The following KHDRBS2 variants were observed in gnomAD, a reference collection of about 807,000 sequenced individuals.
KHDRBS2 encodes KH RNA binding domain containing, signal transduction associated 2.
A neutral mutation model predicts 44.3 loss-of-function variants in KHDRBS2; 26 were observed. That is an observed-to-expected ratio of 0.59 (90% CI 0.43 to 0.81). KHDRBS2 has a LOEUF of 0.81. Among genes scored for constraint, KHDRBS2 ranks in the 40% least tolerant of loss-of-function variants. The pLI is 0.00. For synonymous variants in KHDRBS2, 194 were observed against 151.1 expected, an observed-to-expected ratio of 1.28 and a Z score of -2.08; for missense variants, 476 against 433.1, an observed-to-expected ratio of 1.10 and a Z score of -0.88.
the KHDRBS2 span, among the ~76,000 whole-genome samples, chr6:61,598,393 G>A: frequency 1.4e-4 from 20 of 144,818 alleles, no homozygotes; most frequent in Middle Eastern, 3.7e-3. Flanking sequence ...CTCAAAGAAA[G>A]GAAAGTTTTA....
At chr6:62,085,135 G>A (rs994279966) in intron 2 of KHDRBS2, among the ~76,000 whole-genome samples, 1 of 152,028 alleles carries the variant, frequency 6.6e-6, no homozygotes, top group Middle Eastern at 3.2e-3. Flanking sequence ...CTGATATTAA[G>A]AACTGATTAT....
At chr6:61,938,677 A>G (rs563892646) in intron 4 of KHDRBS2, among the ~76,000 whole-genome samples, 5 of 152,268 alleles carry the variant, frequency 3.3e-5, no homozygotes, top group Admixed American at 3.3e-4. Context: ...TGCTAAGGGG[A>G]GTGGAAAACA....
intron 4 of KHDRBS2, among the ~76,000 whole-genome samples, chr6:61,957,455 A>G (rs530731845): frequency 6.6e-6 from 1 of 152,144 alleles, no homozygotes; most frequent in South Asian, 2.1e-4. Flanking sequence ...GCAAGGAACA[A>G]CCCTGAGAAA....
At chr6:61,774,496 C>A (rs1049626417) in intron 6 of KHDRBS2, among the ~76,000 whole-genome samples, 29 of 152,148 alleles carry the variant, frequency 1.9e-4, no homozygotes, top group Admixed American at 8.5e-4. Context: ...TTCTTATATA[C>A]CAATAACAGA....
chr6:61,581,372 A>T, the KHDRBS2 span, among the ~76,000 whole-genome samples: 1 of 151,984 alleles, frequency 6.6e-6, no homozygotes, highest in Non-Finnish European at 1.5e-5. Flanking sequence ...TGTGTTTCTG[A>T]CCACAGAAAT....
intron 1 of KHDRBS2, among the ~76,000 whole-genome samples, chr6:62,259,561 G>A (rs1837988314): frequency 6.6e-6 from 1 of 151,572 alleles, no homozygotes; most frequent in East Asian, 1.9e-4. Flanking sequence ...GTTTTATTTT[G>A]TTAATATAGT....
the KHDRBS2 span, among the ~76,000 whole-genome samples, chr6:61,571,902 C>A: frequency 1.3e-5 from 2 of 151,898 alleles, no homozygotes; most frequent in African/African-American, 4.8e-5. Context: ...AAGGTCACAT[C>A]TCAAGGAATT....
rs577472295 is a variant in KHDRBS2 at position 61,876,812 on chromosome 6, G to A, written c.810+17823C>T. On this transcript the variant is annotated intron_variant, in intron 6 of 8. Coordinates refer to ENST00000281156, the MANE Select transcript of KHDRBS2 (RefSeq NM_152688.4). ...CACCTCTGTGTCATGCAGCCCCTAT[G>A]AGAAAAGGAAATAAGTGGCCTTGGG... Among the ~76,000 whole-genome samples, 4 of 152,170 alleles carry A rather than the reference G, an allele frequency of 2.6e-5. No individual in the cohort carries two copies. In the South Asian group the frequency reaches 8.3e-4, roughly 32 times the overall value.
At chr6:61,778,556 T>G (rs1156831745) in intron 6 of KHDRBS2, among the ~76,000 whole-genome samples, 1 of 152,074 alleles carries the variant, frequency 6.6e-6, no homozygotes, top group Non-Finnish European at 1.5e-5. Flanking sequence ...AAGAAAAAGA[T>G]AAAAAGACAA....
intron 4 of KHDRBS2, among the ~76,000 whole-genome samples, chr6:61,977,599 T>C (rs992421805): frequency 2.0e-5 from 3 of 152,164 alleles, no homozygotes; most frequent in African/African-American, 4.8e-5. Flanking sequence ...TGGCATGCCA[T>C]CACATGAAAA....
At chr6:61,568,734 A>T in the KHDRBS2 span, among the ~76,000 whole-genome samples, 1 of 152,200 alleles carries the variant, frequency 6.6e-6, no homozygotes, top group Non-Finnish European at 1.5e-5. Context: ...TAGAAGCAGC[A>T]GTGGAAAGTG....
At chr6:61,615,219 C>CCAAAAAAAAAAAAAA in the KHDRBS2 span, among the ~76,000 whole-genome samples, 3 of 101,010 alleles carry the variant, frequency 3.0e-5, no homozygotes, top group Non-Finnish European at 3.7e-5. Context: ...GGTGACAGAG[C>CCAAAAAAAAAAAAAA]AAGACTCCAT....
chr6:61,631,861 G>C, the KHDRBS2 span, among the ~76,000 whole-genome samples: 1 of 152,064 alleles, frequency 6.6e-6, no homozygotes, highest in Non-Finnish European at 1.5e-5. Context: ...CCTTAGGAAT[G>C]GTCATTTCAT....
At chr6:62,041,909 A>G (rs1786622357) in intron 3 of KHDRBS2, among the ~76,000 whole-genome samples, 1 of 152,034 alleles carries the variant, frequency 6.6e-6, no homozygotes, top group South Asian at 2.1e-4. Flanking sequence ...GGTCACAGGC[A>G]CACTACACTG....
chr6:62,236,836 G>A (rs1487088748), intron 1 of KHDRBS2, among the ~76,000 whole-genome samples: 1 of 151,990 alleles, frequency 6.6e-6, no homozygotes, highest in East Asian at 1.9e-4. Flanking sequence ...AGTACCAGAA[G>A]ATTTATAGAA....
chr6:62,167,618 T>C (rs1818977517), intron 2 of KHDRBS2, among the ~76,000 whole-genome samples: 1 of 152,040 alleles, frequency 6.6e-6, no homozygotes, highest in African/African-American at 2.4e-5. Context: ...AATTCACAAA[T>C]GAGGAGTTGG....
rs535512022 is a variant in KHDRBS2, at chr6:62,020,344, A to T, written c.336+27534T>A. Among the ~76,000 whole-genome samples the T allele has an allele frequency of 2.6e-5, 4 of 152,086 alleles. No homozygotes were observed. In the South Asian group the frequency reaches 8.3e-4, roughly 32 times the overall value. ...CACTTCCATCCTTATTAATTTATTG[A>T]TAGCTGTTTTATCACCCAGAATGTG... On this transcript the variant is annotated intron_variant, in intron 3 of 8. Coordinates refer to ENST00000281156, the MANE Select transcript of KHDRBS2 (RefSeq NM_152688.4).
chr6:61,542,972 A>T, the KHDRBS2 span, among the ~76,000 whole-genome samples: 1 of 151,996 alleles, frequency 6.6e-6, no homozygotes, highest in African/African-American at 2.4e-5. Flanking sequence ...GCTGATTAGG[A>T]TAGAACATGG....
chr6:62,196,356 C>T (rs1423426917), intron 1 of KHDRBS2, among the ~76,000 whole-genome samples: 1 of 152,106 alleles, frequency 6.6e-6, no homozygotes, highest in Non-Finnish European at 1.5e-5. Context: ...AAGTATACTT[C>T]CAATTAGGCA....
Sources: gnomAD v4.1 joint callset for allele counts (sites outside exome capture counted in the v4.1 genomes callset) on GRCh38, gnomAD v4.1.1 for gene constraint, MANE v1.5 for transcripts, NCBI Gene and HGNC (gene_info 2026-07-23, HGNC 2026-07-21) for gene names.